Variants in BST1 observed in about 807,000 individuals in gnomAD.
The protein encoded by BST1 is ADP-ribosyl cyclase/cyclic ADP-ribose hydrolase 2.
Under a neutral mutation model 40.6 loss-of-function variants are expected in BST1, and 49 were observed. The observed-to-expected ratio is 1.21, with a 90% confidence interval of 0.96 to 1.53. The LOEUF is 1.53. BST1 is among the 40% of genes most tolerant of loss of function. The pLI is 0.00. For missense variants in BST1, 423 were observed against 395.9 expected, an observed-to-expected ratio of 1.07 and a Z score of -0.58; for synonymous variants, 157 against 159.3, an observed-to-expected ratio of 0.99 and a Z score of 0.11.
chr4:15,707,855 C>CTCTCTATATATATATATA (rs544633858), intron 3 of BST1, among the ~76,000 whole-genome samples: 1 of 128,648 alleles, frequency 7.8e-6, no homozygotes, highest in African/African-American at 2.9e-5. Context: ...CTCTCTCTCT[C>CTCTCTATATATATATATA]TATATATATA....
At chr4:15,742,768 T>G (rs1721776116), downstream of BST1, among the ~76,000 whole-genome samples, 1 of 152,238 alleles carries the variant, frequency 6.6e-6, no homozygotes, top group South Asian at 2.1e-4. Flanking sequence ...CTGTTATCAC[T>G]GAAGGAAACT....
At chr4:15,768,638 C>T in the BST1 span, among the ~76,000 whole-genome samples, 4 of 151,968 alleles carry the variant, frequency 2.6e-5, no homozygotes, top group Non-Finnish European at 4.4e-5. Flanking sequence ...GGACTACAGG[C>T]GCCCGCCACC....
At chr4:15,751,573 G>A in the BST1 span, among the ~76,000 whole-genome samples, 1 of 151,708 alleles carries the variant, frequency 6.6e-6, no homozygotes, top group African/African-American at 2.4e-5. Context: ...ATACATTATA[G>A]TCACTATTGT....
chr4:15,765,118 C>T, the BST1 span, among the ~76,000 whole-genome samples: 2 of 151,894 alleles, frequency 1.3e-5, no homozygotes, highest in East Asian at 1.9e-4. Flanking sequence ...GAGCATGGCA[C>T]GGTGTTTGTC....
the BST1 span, among the ~76,000 whole-genome samples, chr4:15,769,406 G>A: frequency 6.6e-6 from 1 of 152,312 alleles, no homozygotes; most frequent in South Asian, 2.1e-4. Context: ...CCCTTCTAGT[G>A]GGGGAACTGA....
downstream of BST1, among the ~76,000 whole-genome samples, chr4:15,741,815 C>T (rs909783530): frequency 6.6e-6 from 1 of 152,160 alleles, no homozygotes; most frequent in Non-Finnish European, 1.5e-5. Context: ...GCATGGCCCG[C>T]AAAGCGAAAA....
the BST1 span, among the ~76,000 whole-genome samples, chr4:15,770,868 A>T: frequency 6.6e-6 from 1 of 152,362 alleles, no homozygotes; most frequent in South Asian, 2.1e-4. Context: ...AAAGAATTCA[A>T]TGACGGCCAC....
At chr4:15,771,204 T>A in the BST1 span, among the ~76,000 whole-genome samples, 1 of 149,160 alleles carries the variant, frequency 6.7e-6, no homozygotes, top group Non-Finnish European at 1.5e-5. Flanking sequence ...GTTCTAGGTG[T>A]GTACATTACC....
the BST1 span, among the ~76,000 whole-genome samples, chr4:15,748,250 A>G: frequency 1.5e-4 from 23 of 152,316 alleles, no homozygotes; most frequent in African/African-American, 5.3e-4. Flanking sequence ...CCTTTTCTCC[A>G]AAATAAGGGA....
chr4:15,758,283 G>T, the BST1 span, among the ~76,000 whole-genome samples: 1 of 152,024 alleles, frequency 6.6e-6, no homozygotes, highest in Non-Finnish European at 1.5e-5. Flanking sequence ...TTTTTCAGCC[G>T]TCCCTCCCCT....
chr4:15,715,928 T>C (rs1203495220), intron 6 of BST1, 129 bp downstream of exon 6: 14 of 644,534 alleles, frequency 2.2e-5, no homozygotes, highest in Non-Finnish European at 3.4e-5. Flanking sequence ...ATGGGGTTGG[T>C]AGAGAAAGAC....
downstream of BST1, chr4:15,736,169 C>T (rs1435165573): frequency 8.0e-7 from 1 of 1,256,390 alleles, no homozygotes; most frequent in Non-Finnish European, 1.0e-6. Flanking sequence ...TGCCTCCTGA[C>T]TGATCTCTCT....
chr4:15,732,959 G>A (rs766227227), downstream of BST1, among the ~76,000 whole-genome samples: 3 of 152,116 alleles, frequency 2.0e-5, no homozygotes, highest in South Asian at 2.1e-4. Flanking sequence ...TGGTGGGTTC[G>A]TGGTCTCGCT....
chr4:15,723,255 T>G (rs1324881632), intron 8 of BST1, among the ~76,000 whole-genome samples: 2 of 152,154 alleles, frequency 1.3e-5, no homozygotes, highest in African/African-American at 2.4e-5. Flanking sequence ...CCTTTTTTTT[T>G]GGGAGGCGGG....
At chr4:15,759,744 T>C in the BST1 span, among the ~76,000 whole-genome samples, 8 of 151,970 alleles carry the variant, frequency 5.3e-5, no homozygotes, top group Non-Finnish European at 1.2e-4. Flanking sequence ...TACTATTTAG[T>C]TGGATATTAC....
intron 7 of BST1, among the ~76,000 whole-genome samples, chr4:15,722,011 A>G (rs1720835618): frequency 6.6e-6 from 1 of 151,732 alleles, no homozygotes; most frequent in South Asian, 2.1e-4. Context: ...TCCTGTCTTC[A>G]TTGCTGCTTC....
chr4:15,772,954 A>G, the BST1 span, among the ~76,000 whole-genome samples: 2 of 152,216 alleles, frequency 1.3e-5, no homozygotes, highest in African/African-American at 2.4e-5. Flanking sequence ...GCTGCTTGTC[A>G]TGTCCAGAGC....
chr4:15,718,073 C>A (rs1306956846), intron 6 of BST1, among the ~76,000 whole-genome samples: 2 of 152,190 alleles, frequency 1.3e-5, no homozygotes, highest in Admixed American at 1.3e-4. Flanking sequence ...CTCCTGCCAG[C>A]CTGGCTCCTT....
chr4:15,721,267 A>G (rs1318762783), intron 7 of BST1, among the ~76,000 whole-genome samples: 2 of 152,164 alleles, frequency 1.3e-5, no homozygotes, highest in African/African-American at 4.8e-5. Context: ...GCCCCACATC[A>G]GTAGAAAGTT....
Sources: gnomAD v4.1 joint callset for allele counts (sites outside exome capture counted in the v4.1 genomes callset) on GRCh38, gnomAD v4.1.1 for gene constraint, MANE v1.5 for transcripts, NCBI Gene and HGNC (gene_info 2026-07-23, HGNC 2026-07-21) for gene names.